Variants in PPARGC1A observed in about 807,000 individuals in gnomAD.
The protein encoded by PPARGC1A is PPARG coactivator 1 alpha, also known as peroxisome proliferator-activated receptor gamma coactivator 1-alpha.
PPARGC1A carries 25 observed loss-of-function variants against 88.7 expected under a neutral mutation model. The observed-to-expected ratio is 0.28, with a 90% CI of 0.21 to 0.39. The LOEUF (loss-of-function observed/expected upper bound fraction) is 0.39, where lower values mean the gene tolerates loss of function less well. PPARGC1A is among the 10% of genes least tolerant of loss of function. PPARGC1A has a pLI of 1.00. For synonymous variants in PPARGC1A, 363 were observed against 355.6 expected (o/e 1.02, Z -0.24); for missense variants, 880 against 968.7 (o/e 0.91, Z 1.22).
chr4:24,395,302 A>G, the PPARGC1A span, among the ~76,000 whole-genome samples: 2 of 152,240 alleles, frequency 1.3e-5, no homozygotes, highest in Non-Finnish European at 2.9e-5. Context: ...TAATACAGTT[A>G]GTAAAATAGT....
At chr4:23,996,880 A>T in the PPARGC1A span, among the ~76,000 whole-genome samples, 2 of 152,196 alleles carry the variant, frequency 1.3e-5, no homozygotes, top group African/African-American at 2.4e-5. Flanking sequence ...CTAGTTTGCC[A>T]ACACCCAGTC....
At chr4:24,076,614 C>A in the PPARGC1A span, among the ~76,000 whole-genome samples, 1 of 152,108 alleles carries the variant, frequency 6.6e-6, no homozygotes, top group Non-Finnish European at 1.5e-5. Flanking sequence ...GGCTGGACAG[C>A]TAGGTGCTCT....
the PPARGC1A span, among the ~76,000 whole-genome samples, chr4:23,923,626 C>T: frequency 6.6e-5 from 10 of 152,204 alleles, no homozygotes; most frequent in East Asian, 1.9e-3. Flanking sequence ...AAAGAGCTGT[C>T]AGAATACAAA....
chr4:23,900,600 C>T (rs527314598), upstream of PPARGC1A, among the ~76,000 whole-genome samples: 216 of 152,280 alleles, frequency 1.4e-3, 1 homozygote, highest in Non-Finnish European at 3.5e-4. Flanking sequence ...AGCAACATTA[C>T]AGTAGATGCA....
At chr4:24,358,019 C>A in the PPARGC1A span, among the ~76,000 whole-genome samples, 1 of 152,200 alleles carries the variant, frequency 6.6e-6, no homozygotes, top group African/African-American at 2.4e-5. Flanking sequence ...TAGAAAAGAG[C>A]TAACATTTAG....
upstream of PPARGC1A, among the ~76,000 whole-genome samples, chr4:23,907,248 A>G (rs1720151583): frequency 6.6e-6 from 1 of 152,228 alleles, no homozygotes; most frequent in African/African-American, 2.4e-5. Flanking sequence ...AGAACGAAAC[A>G]TAAACCACTG....
the PPARGC1A span, among the ~76,000 whole-genome samples, chr4:24,236,999 G>A: frequency 1.3e-5 from 2 of 152,162 alleles, no homozygotes; most frequent in African/African-American, 4.8e-5. Flanking sequence ...TGCTTAGCAG[G>A]AAATTATAGA....
the PPARGC1A span, among the ~76,000 whole-genome samples, chr4:24,433,414 C>T: frequency 6.6e-6 from 1 of 152,152 alleles, no homozygotes; most frequent in Non-Finnish European, 1.5e-5. Context: ...CAGTTTACTT[C>T]ATGAAATAGG....
chr4:24,016,803 C>A, the PPARGC1A span, among the ~76,000 whole-genome samples: 1 of 152,016 alleles, frequency 6.6e-6, no homozygotes, highest in Non-Finnish European at 1.5e-5. Flanking sequence ...CAAATTACAC[C>A]AATAGATCTA....
the PPARGC1A span, among the ~76,000 whole-genome samples, chr4:24,370,557 A>C: frequency 6.6e-6 from 1 of 151,948 alleles, no homozygotes; most frequent in Non-Finnish European, 1.5e-5. Flanking sequence ...TAACAATTTG[A>C]CTCTCCACTC....
At chr4:24,159,968 A>G in the PPARGC1A span, among the ~76,000 whole-genome samples, 3 of 152,224 alleles carry the variant, frequency 2.0e-5, no homozygotes, top group African/African-American at 4.8e-5. Flanking sequence ...CTCTCTGCCT[A>G]AGTCCTGACT....
At chr4:24,211,293 G>A in the PPARGC1A span, among the ~76,000 whole-genome samples, 1 of 152,072 alleles carries the variant, frequency 6.6e-6, no homozygotes, top group Non-Finnish European at 1.5e-5. Context: ...AAGTTACAAA[G>A]ACAGTTCTGA....
chr4:23,880,465 A>T (rs1407995157), intron 2 of PPARGC1A, among the ~76,000 whole-genome samples: 2 of 152,218 alleles, frequency 1.3e-5, no homozygotes, highest in Non-Finnish European at 2.9e-5. Context: ...GAAAAATGTC[A>T]GTGAACAAGA....
chr4:24,146,523 C>T, the PPARGC1A span, among the ~76,000 whole-genome samples: 1 of 152,198 alleles, frequency 6.6e-6, no homozygotes, highest in East Asian at 1.9e-4. Context: ...AGGGGCACCT[C>T]GGTCTGCTGA....
At chr4:24,114,527 C>T in the PPARGC1A span, among the ~76,000 whole-genome samples, 1 of 152,322 alleles carries the variant, frequency 6.6e-6, no homozygotes. Context: ...ACACTCCAAA[C>T]GAGGTTCCTT....
chr4:24,264,948 G>C, the PPARGC1A span, among the ~76,000 whole-genome samples: 1 of 152,140 alleles, frequency 6.6e-6, no homozygotes, highest in Non-Finnish European at 1.5e-5. Flanking sequence ...AGTTCTCTTT[G>C]CTTCAGGCTT....
chr4:24,165,745 G>A, the PPARGC1A span, among the ~76,000 whole-genome samples: 224 of 152,132 alleles, frequency 1.5e-3, 6 homozygotes, highest in East Asian at 0.032. Flanking sequence ...CCATATAAGA[G>A]GTTGAACTTG....
chr4:24,151,734 G>A, the PPARGC1A span, among the ~76,000 whole-genome samples: 1 of 152,118 alleles, frequency 6.6e-6, no homozygotes, highest in Admixed American at 6.6e-5. Context: ...TAGTAACACA[G>A]CCCATCCATG....
the PPARGC1A span, among the ~76,000 whole-genome samples, chr4:24,250,258 G>C: frequency 6.6e-6 from 1 of 152,220 alleles, no homozygotes; most frequent in African/African-American, 2.4e-5. Flanking sequence ...CTGGTTTCCT[G>C]CAATTTCTGG....
Sources: gnomAD v4.1 joint callset for allele counts (sites outside exome capture counted in the v4.1 genomes callset) on GRCh38, gnomAD v4.1.1 for gene constraint, MANE v1.5 for transcripts, NCBI Gene and HGNC (gene_info 2026-07-23, HGNC 2026-07-21) for gene names.